Variants in SNX29 observed in about 807,000 individuals in gnomAD.
The protein encoded by SNX29 is sorting nexin-29.
In SNX29, 78 loss-of-function variants were observed where a neutral mutation model predicts 102.1. That is an observed-to-expected ratio of 0.76 (90% CI 0.64 to 0.92). The LOEUF is 0.92. SNX29 is among the 40% of genes least tolerant of loss of function. SNX29 has a pLI of 0.00. For synonymous variants in SNX29, 580 were observed against 414.5 expected, an observed-to-expected ratio of 1.40 and a Z score of -4.85; for missense variants, 1,280 against 1,061.7, an observed-to-expected ratio of 1.21 and a Z score of -2.86.
chr16:12,350,671 T>A (rs2081968707), intron 15 of SNX29, among the ~76,000 whole-genome samples: 1 of 152,198 alleles, frequency 6.6e-6, no homozygotes, highest in African/African-American at 2.4e-5. Flanking sequence ...AGGAAAACTG[T>A]TTCCTACAAG....
chr16:12,044,053 C>T (rs575737358), intron 5 of SNX29, among the ~76,000 whole-genome samples: 5 of 152,286 alleles, frequency 3.3e-5, no homozygotes, highest in Admixed American at 2.0e-4. Context: ...TGTGGCTGGC[C>T]ATGGCCATTA....
intron 13 of SNX29, among the ~76,000 whole-genome samples, chr16:12,136,770 C>T (rs980532113): frequency 5.9e-5 from 9 of 152,220 alleles, no homozygotes; most frequent in South Asian, 2.1e-4. Context: ...GACAGAGTCT[C>T]GCTCTGTCAC....
At chr16:12,551,007 C>G (rs192208567) in intron 20 of SNX29, among the ~76,000 whole-genome samples, 5 of 152,322 alleles carry the variant, frequency 3.3e-5, no homozygotes, top group Admixed American at 3.3e-4. Flanking sequence ...AATATTTCTT[C>G]TCTGGCCGAG....
rs758827865 is a variant in SNX29 at position 12,282,083 on chromosome 16, C to CAAAAAAAA, written c.1782+4065_1782+4072dup. On this transcript the variant is annotated intron_variant, in intron 15 of 20. Transcript: ENST00000566228. ...TGGGCGACAGAGTGAGACTCCATCTCAAAAAAAAAAAAAAAAAAAAAAAAA... is the reference window on the plus strand; with the variant it reads ...TGGGCGACAGAGTGAGACTCCATCTCAAAAAAAAAAAAAAAAAAAAAAAAAAAAAAAAA... Among the ~76,000 whole-genome samples, 9 of 62,074 alleles carry CAAAAAAAA rather than the reference C, an allele frequency of 1.4e-4. 3 individuals are homozygous for CAAAAAAAA. Among genetic ancestry groups the CAAAAAAAA allele is most frequent in the Admixed American group, 2.3e-4 (1 of 4,342 alleles). 40.7% of individuals were successfully genotyped at this position (62,074 alleles called of 152,430 possible). A position where few individuals can be genotyped will look rare whatever the true frequency, so the allele number is the denominator to read the frequency against.
chr16:12,479,998 A>T (rs1193505275), intron 19 of SNX29, among the ~76,000 whole-genome samples: 1 of 152,198 alleles, frequency 6.6e-6, no homozygotes, highest in Admixed American at 6.5e-5. Context: ...AAGCAAAATG[A>T]CATATTGTGT....
chr16:12,457,878 T>A (rs74527315), intron 18 of SNX29, among the ~76,000 whole-genome samples: 4 of 152,164 alleles, frequency 2.6e-5, no homozygotes, highest in Non-Finnish European at 4.4e-5. Flanking sequence ...GCAATTTGAT[T>A]GCGTGGGGAG....
At chr16:12,063,366 C>CCTTTTTTTTTTTTTTT in intron 9 of SNX29, among the ~76,000 whole-genome samples, 1 of 55,336 alleles carries the variant, frequency 1.8e-5, no homozygotes, top group Non-Finnish European at 3.3e-5. Context: ...CCTAGTCCAT[C>CCTTTTTTTTTTTTTTT]TTTTTTTTTT....
intron 18 of SNX29, among the ~76,000 whole-genome samples, chr16:12,459,191 C>G (rs78115111): frequency 2.0e-5 from 3 of 150,048 alleles, no homozygotes; most frequent in Admixed American, 1.3e-4. Flanking sequence ...CGCCTTTTCC[C>G]CCTTAGGTTC....
chr16:12,127,793 T>A (rs775610587), intron 12 of SNX29, among the ~76,000 whole-genome samples: 2 of 152,174 alleles, frequency 1.3e-5, no homozygotes, highest in Non-Finnish European at 2.9e-5. Context: ...TGAGCACTTA[T>A]CTTAAAGTTT....
intron 14 of SNX29, among the ~76,000 whole-genome samples, chr16:12,277,634 G>A (rs1006232507): frequency 1.1e-4 from 16 of 151,978 alleles, no homozygotes; most frequent in Admixed American, 3.3e-4. Context: ...GATGACAGTG[G>A]CACAATCATA....
chr16:12,051,366 C>T (rs1040867551), intron 7 of SNX29, among the ~76,000 whole-genome samples: 3 of 151,204 alleles, frequency 2.0e-5, no homozygotes, highest in Admixed American at 1.3e-4. Context: ...ACTACGCCAG[C>T]CAGATTCAAG....
intron 13 of SNX29, among the ~76,000 whole-genome samples, chr16:12,173,230 T>C (rs7202259): frequency 0.044 from 6,633 of 152,296 alleles, 364 homozygotes; most frequent in African/African-American, 0.13. Flanking sequence ...AAGTGGGTTC[T>C]GGTTCCAACA....
intron 16 of SNX29, among the ~76,000 whole-genome samples, chr16:12,371,011 T>C (rs1404600187): frequency 6.6e-6 from 1 of 152,210 alleles, no homozygotes; most frequent in Non-Finnish European, 1.5e-5. Flanking sequence ...GCCACAGCTT[T>C]CTTGCCCATG....
At chr16:12,132,136 G>A (rs533700587) in intron 13 of SNX29, among the ~76,000 whole-genome samples, 113 of 148,490 alleles carry the variant, frequency 7.6e-4, no homozygotes, top group African/African-American at 2.7e-3. Context: ...TTGCCCTGTC[G>A]TGCCCAGGCT....
At chr16:12,276,201 A>C (rs1196416570) in intron 14 of SNX29, among the ~76,000 whole-genome samples, 1 of 152,060 alleles carries the variant, frequency 6.6e-6, no homozygotes, top group Non-Finnish European at 1.5e-5. Flanking sequence ...GCCTTAATTG[A>C]CATTTTAATG....
intron 15 of SNX29, among the ~76,000 whole-genome samples, chr16:12,309,467 G>T (rs1220054838): frequency 6.6e-6 from 1 of 152,012 alleles, no homozygotes; most frequent in African/African-American, 2.4e-5. Flanking sequence ...TGCTCTCTTG[G>T]CCCCTCTGTC....
chr16:12,294,341 A>C (rs958868539), intron 15 of SNX29, among the ~76,000 whole-genome samples: 2 of 152,130 alleles, frequency 1.3e-5, no homozygotes, highest in Non-Finnish European at 2.9e-5. Context: ...GGGGACAGAC[A>C]GTGTCACTCT....
chr16:12,175,696 A>G (rs952419195), intron 13 of SNX29, among the ~76,000 whole-genome samples: 1 of 151,578 alleles, frequency 6.6e-6, no homozygotes, highest in African/African-American at 2.4e-5. Flanking sequence ...TAGGACCGAT[A>G]CCCTTATAAG....
intron 1 of SNX29, among the ~76,000 whole-genome samples, chr16:11,978,159 G>C (rs2055343455): frequency 6.6e-6 from 1 of 152,164 alleles, no homozygotes; most frequent in African/African-American, 2.4e-5. Context: ...TAATAATGAG[G>C]GGGCTGGTGA....
Sources: allele counts gnomAD v4.1 joint callset (sites outside exome capture counted in the v4.1 genomes callset), GRCh38; gene constraint gnomAD v4.1.1; transcripts MANE v1.5; gene names NCBI Gene and HGNC (gene_info 2026-07-23, HGNC 2026-07-21).